MAPK4: variants seen among roughly 807,000 people sequenced by gnomAD.
The protein encoded by MAPK4 is Erk3-related.
A neutral mutation model predicts 47.7 loss-of-function variants in MAPK4; 22 were observed. The ratio of observed to expected loss-of-function variants is 0.46; its 90% CI spans 0.33 to 0.66. The LOEUF is 0.66. MAPK4 is among the 30% of genes least tolerant of loss of function. MAPK4 has a pLI of 0.02. For missense variants in MAPK4, 736 were observed against 831.7 expected (o/e 0.88, Z 1.42); for synonymous variants, 390 against 365.7 (o/e 1.07, Z -0.76).
At chr18:50,601,424 T>G (rs1228541136) in intron 1 of MAPK4, among the ~76,000 whole-genome samples, 1 of 151,132 alleles carries the variant, frequency 6.6e-6, no homozygotes, top group Non-Finnish European at 1.5e-5. Flanking sequence ...CTGGAAACCA[T>G]GAAACAGTAT....
intron 1 of MAPK4, among the ~76,000 whole-genome samples, chr18:50,586,846 T>C (rs923306801): frequency 1.3e-5 from 2 of 152,216 alleles, no homozygotes; most frequent in African/African-American, 4.8e-5. Flanking sequence ...AAAGACATTC[T>C]TCAATTTTCA....
At chr18:50,561,096 A>G (rs28619390) in intron 1 of MAPK4, among the ~76,000 whole-genome samples, 6,133 of 152,258 alleles carry the variant, frequency 0.04, 433 homozygotes, top group African/African-American at 0.14. Flanking sequence ...TGGGTGGGGA[A>G]TGGATTCCGA....
chr18:50,605,648 C>T (rs2042576494), intron 1 of MAPK4, among the ~76,000 whole-genome samples: 1 of 152,182 alleles, frequency 6.6e-6, no homozygotes, highest in Non-Finnish European at 1.5e-5. Context: ...TTTGGGATGT[C>T]TCTCAGAGGG....
At chr18:50,637,419 G>A (rs1009562433) in intron 1 of MAPK4, among the ~76,000 whole-genome samples, 6 of 152,104 alleles carry the variant, frequency 3.9e-5, no homozygotes, top group Admixed American at 3.3e-4. Context: ...GCCAGGAAAT[G>A]GCAGAGCCAG....
chr18:50,725,623 C>G (rs776792933), intron 4 of MAPK4, among the ~76,000 whole-genome samples: 7 of 152,236 alleles, frequency 4.6e-5, no homozygotes, highest in African/African-American at 9.6e-5. Context: ...CTCACTCCCC[C>G]ACCTGTGCTT....
chr18:50,712,776 A>G (rs111691081), intron 2 of MAPK4, among the ~76,000 whole-genome samples: 2,155 of 152,312 alleles, frequency 0.014, 30 homozygotes, highest in Non-Finnish European at 0.022. Context: ...GTGCATTTAC[A>G]TATCAGAGAA....
At chr18:50,645,315 A>G (rs1043530647) in intron 1 of MAPK4, among the ~76,000 whole-genome samples, 5 of 152,228 alleles carry the variant, frequency 3.3e-5, no homozygotes, top group Non-Finnish European at 7.3e-5. Context: ...TAGTGGCCTT[A>G]GAAATGACAG....
chr18:50,611,867 A>C (rs1487154976), intron 1 of MAPK4, among the ~76,000 whole-genome samples: 1 of 152,188 alleles, frequency 6.6e-6, no homozygotes, highest in Non-Finnish European at 1.5e-5. Flanking sequence ...TGATCAGAAT[A>C]CTGACTCTTT....
At chr18:50,589,877 G>A (rs990684175) in intron 1 of MAPK4, among the ~76,000 whole-genome samples, 6 of 152,208 alleles carry the variant, frequency 3.9e-5, no homozygotes, top group African/African-American at 9.7e-5. Flanking sequence ...TGTCCTGTGC[G>A]TTTAGTTAGT....
At chr18:50,720,753 C>G (rs1238221199) in intron 3 of MAPK4, among the ~76,000 whole-genome samples, 1 of 152,166 alleles carries the variant, frequency 6.6e-6, no homozygotes, top group African/African-American at 2.4e-5. Flanking sequence ...GGAGAGAGGA[C>G]CCCACAGGGG....
At chr18:50,671,336 G>A (rs1039325451) in intron 2 of MAPK4, among the ~76,000 whole-genome samples, 1 of 152,242 alleles carries the variant, frequency 6.6e-6, no homozygotes, top group South Asian at 2.1e-4. Flanking sequence ...TAGGTGATAC[G>A]AACAATAATT....
intron 1 of MAPK4, among the ~76,000 whole-genome samples, chr18:50,657,498 C>T (rs4940000): frequency 6.6e-6 from 1 of 152,046 alleles, no homozygotes; most frequent in Non-Finnish European, 1.5e-5. Flanking sequence ...GCTTGGAAGC[C>T]GATCTTCCTC....
intron 1 of MAPK4, among the ~76,000 whole-genome samples, chr18:50,644,905 C>T (rs1252231722): frequency 1.3e-5 from 2 of 152,220 alleles, no homozygotes; most frequent in African/African-American, 4.8e-5. Context: ...CATCATCCCA[C>T]CCACTCCCAC....
intron 1 of MAPK4, among the ~76,000 whole-genome samples, chr18:50,646,580 G>A (rs1304719488): frequency 2.0e-5 from 3 of 152,112 alleles, no homozygotes; most frequent in Admixed American, 1.3e-4. Flanking sequence ...CTTTCAGCAG[G>A]GTCTGCAATG....
At chr18:50,633,427 G>A (rs1021632069) in intron 1 of MAPK4, among the ~76,000 whole-genome samples, 4 of 152,200 alleles carry the variant, frequency 2.6e-5, no homozygotes, top group African/African-American at 9.7e-5. Flanking sequence ...CCCACATCCT[G>A]TAGCAGTGCG....
At chr18:50,612,274 C>T (rs532860409) in intron 1 of MAPK4, among the ~76,000 whole-genome samples, 4 of 152,334 alleles carry the variant, frequency 2.6e-5, no homozygotes, top group African/African-American at 9.6e-5. Context: ...CAAGGTTTTA[C>T]ACCTGCAGTC....
chr18:50,561,261 G>A (rs926282694), intron 1 of MAPK4, among the ~76,000 whole-genome samples: 6 of 152,358 alleles, frequency 3.9e-5, no homozygotes, highest in African/African-American at 1.4e-4. Context: ...GTTGATTAAT[G>A]TCACCCCTGC....
chr18:50,657,907 G>A (rs894352064), intron 1 of MAPK4, among the ~76,000 whole-genome samples: 3 of 152,208 alleles, frequency 2.0e-5, no homozygotes, highest in South Asian at 2.1e-4. Context: ...TGGTTTGTTC[G>A]TGAGGAGGAA....
rs1223625736 is a variant in MAPK4 at position 50,729,663 on chromosome 18, C to T, written c.1573C>T (p.Arg525Cys). 3 of 1,524,016 alleles carry T rather than the reference C, an allele frequency of 2.0e-6. No individual in the cohort carries two copies. Among genetic ancestry groups the T allele is most frequent in the Non-Finnish European group, 2.6e-6 (3 of 1,133,666 alleles). The allele number at this position is 1,524,016 out of a possible 1,614,324, so 94.4% of individuals were successfully genotyped here. ...ERRLSASPPGRPAPVDGGASP... is the reference protein window; with the variant it reads ...ERRLSASPPGCPAPVDGGASP... ...CCGCTTGTCTGCCTCGCCCCCCGGCCGCCCGGCCCCGGTGGACGGCGGCGC... is the reference window on the plus strand; with the variant it reads ...CCGCTTGTCTGCCTCGCCCCCCGGCTGCCCGGCCCCGGTGGACGGCGGCGC... Residue 525 changes from arginine (R) to cysteine (C), a missense_variant, in exon 6 of 6, where the codon CGC (arginine) becomes TGC (cysteine). Coordinates refer to ENST00000400384, the MANE Select transcript of MAPK4 (RefSeq NM_002747.4).
Sources: allele counts gnomAD v4.1 joint callset (sites outside exome capture counted in the v4.1 genomes callset), GRCh38; gene constraint gnomAD v4.1.1; transcripts MANE v1.5; gene names NCBI Gene and HGNC (gene_info 2026-07-23, HGNC 2026-07-21).